NPAS1: variants seen among roughly 807,000 people sequenced by gnomAD.
The protein encoded by NPAS1 is neuronal PAS domain protein 1.
Under a neutral mutation model 49.2 loss-of-function variants are expected in NPAS1, and 29 were observed. That is an observed-to-expected ratio of 0.59 (90% CI 0.44 to 0.80). NPAS1 has a LOEUF of 0.80. Among genes scored for constraint, NPAS1 ranks in the 30% least tolerant of loss-of-function variants. NPAS1 has a pLI of 0.00. For missense variants in NPAS1, 825 were observed against 835.5 expected (o/e 0.99, Z 0.15); for synonymous variants, 408 against 380.4 (o/e 1.07, Z -0.84).
chr19:47,041,602 G>C (rs1265573268), intron 10 of NPAS1, among the ~76,000 whole-genome samples: 1 of 152,162 alleles, frequency 6.6e-6, no homozygotes, highest in African/African-American at 2.4e-5. Flanking sequence ...TGACGGCCTG[G>C]CCTTTTGGCT....
chr19:47,022,423 C>G (rs574115297), intron 3 of NPAS1, among the ~76,000 whole-genome samples: 120 of 152,360 alleles, frequency 7.9e-4, no homozygotes, highest in Non-Finnish European at 1.3e-3. Context: ...CCTCACTTCT[C>G]TGTGCCTTAA....
chr19:47,025,578 C>G (rs2056866515), intron 3 of NPAS1, among the ~76,000 whole-genome samples: 1 of 150,960 alleles, frequency 6.6e-6, no homozygotes, highest in Non-Finnish European at 1.5e-5. Flanking sequence ...GCACCCAGCC[C>G]TTTTTAAATT....
intron 3 of NPAS1, among the ~76,000 whole-genome samples, chr19:47,026,852 G>T (rs925597956): frequency 7.2e-5 from 11 of 151,936 alleles, no homozygotes; most frequent in African/African-American, 1.9e-4. Flanking sequence ...TACTTGGGAG[G>T]ATGAGGCAGG....
intron 11 of NPAS1, among the ~76,000 whole-genome samples, chr19:47,044,548 C>T (rs190644281): frequency 1.3e-5 from 2 of 152,352 alleles, no homozygotes; most frequent in Admixed American, 1.3e-4. Context: ...GAGCACAGGT[C>T]TAGACCAGGG....
At chr19:47,037,338 CAAAAAAAA>C (rs869125845) in intron 6 of NPAS1, among the ~76,000 whole-genome samples, 37 of 51,778 alleles carry the variant, frequency 7.1e-4, no homozygotes, top group South Asian at 2.4e-3. Context: ...ACTCCGTCTC[CAAAAAAAA>C]AAAAAAAAAA....
At position 47,038,261 on chromosome 19, in the gene NPAS1, G is replaced by A. The variant is rs569380605; in HGVS notation, c.689-775G>A. ...GGGCCAGGCGCAGTGGCTCACGCCTGTAATCCCAGCACTTTGGGAGGCCGA... is the reference window on the plus strand; with the variant it reads ...GGGCCAGGCGCAGTGGCTCACGCCTATAATCCCAGCACTTTGGGAGGCCGA... On this transcript the variant is annotated intron_variant, in intron 6 of 11. Transcript: ENST00000602212. Among the ~76,000 whole-genome samples, 49 of 152,372 alleles carry A rather than the reference G, an allele frequency of 3.2e-4. 1 individual carries two copies. Among genetic ancestry groups the A allele is most frequent in the Non-Finnish European group, 5.7e-4 (39 of 68,044 alleles).
In NPAS1 at chr19:47,021,843, C is replaced by T. The variant is rs968518110; in HGVS notation, c.354C>T (p.Gly118=). ...TGAGAGCCGCGGGGCCGCCAGCTGG[C>T]CTCGGTGAGTGCTCATGCGCGGGGC... ...WGLRAAGPPA[G]LAPGRRGPAA... The change falls in exon 3 of 12, where the codon GGC becomes GGT. Residue 118 remains glycine (G), a synonymous_variant. Transcript: ENST00000602212. This position sits in a 1 kb window ranked among gnomAD's most constrained non-coding sequence, Gnocchi z 5.7. 1 of 1,490,952 alleles carries T rather than the reference C, an allele frequency of 6.7e-7. No homozygotes were observed. The highest frequency in any genetic ancestry group is 8.9e-7 in the Non-Finnish European group (1 of 1,125,668). The allele number at this position is 1,490,952 out of a possible 1,614,324, so 92.4% of individuals were successfully genotyped here.
At chr19:47,024,262 G>C (rs1454387188) in intron 3 of NPAS1, among the ~76,000 whole-genome samples, 22 of 152,026 alleles carry the variant, frequency 1.4e-4, no homozygotes. Context: ...ACTCCAGCCT[G>C]GGCAACAGAG....
intron 5 of NPAS1, among the ~76,000 whole-genome samples, chr19:47,034,984 C>A (rs2056937465): frequency 6.6e-6 from 1 of 151,256 alleles, no homozygotes; most frequent in Non-Finnish European, 1.5e-5. Context: ...GAGTTTGAGA[C>A]CAGCCTGACC....
rs1055831780 is a variant in NPAS1, at chr19:47,021,419, TG to T, written c.123-192del. Among the ~76,000 whole-genome samples the T allele has an allele frequency of 1.3e-5, 2 of 152,288 alleles. No homozygotes were observed. Among genetic ancestry groups the T allele is most frequent in the African/African-American group, 4.8e-5 (2 of 41,568 alleles). On this transcript the variant is annotated intron_variant, in intron 2 of 11. Coordinates refer to ENST00000602212, the MANE Select transcript of NPAS1 (RefSeq NM_002517.4). The surrounding 1 kb of genome is among the most constrained non-coding windows in gnomAD (Gnocchi z 5.7). Reference sequence around the variant, plus strand: ...CCTTCCTCCTCCTTCCCACCAGAATTGACACTCGAGGTTCTGTCCCTGGGTC... The same window carrying T: ...CCTTCCTCCTCCTTCCCACCAGAATTACACTCGAGGTTCTGTCCCTGGGTC...
intron 7 of NPAS1, 122 bp downstream of exon 7, chr19:47,039,273 A>C (rs1336542665): frequency 6.8e-7 from 1 of 1,466,466 alleles, no homozygotes; most frequent in East Asian, 2.3e-5. Flanking sequence ...GGGTCTGGGA[A>C]TGGGACTGGG....
intron 3 of NPAS1, among the ~76,000 whole-genome samples, chr19:47,030,206 T>C (rs2056896722): frequency 6.6e-6 from 1 of 152,058 alleles, no homozygotes; most frequent in Non-Finnish European, 1.5e-5. Flanking sequence ...ATATTTTTAG[T>C]AGAGATAAGA....
Position 47,021,831 on chromosome 19 carries a change from G to T in NPAS1, c.342G>T (p.Gly114=), listed in dbSNP as rs1157369897. ...GAPPWGLRAA[G]PPAGLAPGRR... ...CGCCCTGGGGGCTGAGAGCCGCGGG[G>T]CCGCCAGCTGGCCTCGGTGAGTGCT... The change falls in exon 3 of 12, where the codon GGG becomes GGT. Residue 114 remains glycine, a synonymous_variant. Transcript: ENST00000602212. This position sits in a 1 kb window ranked among gnomAD's most constrained non-coding sequence, Gnocchi z 5.7. 4 of 1,503,070 alleles carry T rather than the reference G, an allele frequency of 2.7e-6. No homozygotes were observed. The highest frequency in any genetic ancestry group is 2.2e-5 in the Admixed American group (1 of 45,514). The allele number at this position is 1,503,070 out of a possible 1,614,324, so 93.1% of individuals were successfully genotyped here.
At position 47,020,697 on chromosome 19, in the gene NPAS1, G is replaced by A. The variant is rs2056833431; in HGVS notation, c.-42-309G>A. Among the ~76,000 whole-genome samples, 3 of 151,496 alleles carry A rather than the reference G, an allele frequency of 2.0e-5. No homozygotes were observed. The South Asian group carries it at 6.2e-4, about 31-fold the overall frequency. On this transcript the variant is annotated intron_variant, in intron 1 of 11. Coordinates refer to ENST00000602212, the MANE Select transcript of NPAS1 (RefSeq NM_002517.4). Reference sequence around the variant, plus strand: ...GGCATGCTTGGCACGCAGCGCGCGGGCCGGTTCGATCCGTATGCGCGCCGC... The same window carrying A: ...GGCATGCTTGGCACGCAGCGCGCGGACCGGTTCGATCCGTATGCGCGCCGC...
At position 47,021,193 on chromosome 19, in the gene NPAS1, G is replaced by A; in HGVS notation, c.122+24G>A. The stretch of plus-strand genomic sequence containing the variant: ...TGGTGAGCAAAGCCCCGCCCCCCTG[G>A]CCGCGGGCCCCCCCCCGGGTCCAAT... On this transcript the variant is annotated intron_variant, in intron 2 of 11. Transcript: ENST00000602212. This position sits in a 1 kb window ranked among gnomAD's most constrained non-coding sequence, Gnocchi z 5.7. 4 of 1,499,808 alleles carry A rather than the reference G, an allele frequency of 2.7e-6. No homozygotes were observed. Among genetic ancestry groups the A allele is most frequent in the Middle Eastern group, 2.0e-4 (1 of 4,888 alleles). 92.9% of individuals were successfully genotyped at this position (1,499,808 alleles called of 1,614,324 possible).
At chr19:47,041,189 G>A (rs947390631) in intron 10 of NPAS1, 64 bp downstream of exon 10, 23 of 1,428,038 alleles carry the variant, frequency 1.6e-5, no homozygotes, top group Non-Finnish European at 1.7e-5. Context: ...CCCACCTCCA[G>A]TGGGGGTGCT....
intron 6 of NPAS1, 24 bp downstream of exon 6, chr19:47,036,153 A>T: frequency 6.5e-7 from 1 of 1,550,346 alleles, no homozygotes. Flanking sequence ...CTCCTAAAGA[A>T]TGAAGTCTGA....
intron 11 of NPAS1, among the ~76,000 whole-genome samples, chr19:47,043,558 C>G (rs1477070230): frequency 1.3e-5 from 2 of 151,986 alleles, no homozygotes; most frequent in Non-Finnish European, 2.9e-5. Context: ...CCACTGCACT[C>G]CAGTCTAGGT....
rs2056916928 is a variant in NPAS1 at position 47,032,802 on chromosome 19, C to A, written c.522+70C>A. The A allele has an allele frequency of 5.4e-6, 6 of 1,116,870 alleles. No homozygotes were observed. The Admixed American group carries it at 1.0e-4, about 19-fold the overall frequency. The allele number at this position is 1,116,870 out of a possible 1,614,324, so 69.2% of individuals were successfully genotyped here. A position where few individuals can be genotyped will look rare whatever the true frequency, so the allele number is the denominator to read the frequency against. On this transcript the variant is annotated intron_variant, in intron 5 of 11. Coordinates refer to ENST00000602212, the MANE Select transcript of NPAS1 (RefSeq NM_002517.4). ...CCTTGCCAGGCCTATGCATATCCTT[C>A]CTCTCTCCTGGTCTCACCATAGCAG...
Sources: allele counts gnomAD v4.1 joint callset (sites outside exome capture counted in the v4.1 genomes callset), GRCh38; gene constraint gnomAD v4.1.1; non-coding constraint Gnocchi (gnomAD v3.1); transcripts MANE v1.5; gene names NCBI Gene and HGNC (gene_info 2026-07-23, HGNC 2026-07-21).